SEMA6D: variants seen among roughly 807,000 people sequenced by gnomAD.
SEMA6D encodes semaphorin-6D.
A neutral mutation model predicts 106.6 loss-of-function variants in SEMA6D; 35 were observed. The observed-to-expected ratio is 0.33, with a 90% CI of 0.25 to 0.44. The LOEUF (loss-of-function observed/expected upper bound fraction) is 0.44, where lower values mean the gene tolerates loss of function less well. Among genes scored for constraint, SEMA6D ranks in the 20% least tolerant of loss-of-function variants. The pLI is 1.00. For synonymous variants in SEMA6D, 499 were observed against 487.7 expected, an observed-to-expected ratio of 1.02 and a Z score of -0.31; for missense variants, 1,185 against 1,345.9, an observed-to-expected ratio of 0.88 and a Z score of 1.87.
intron 1 of SEMA6D, among the ~76,000 whole-genome samples, chr15:47,406,327 C>G (rs1166333475): frequency 6.6e-6 from 1 of 152,154 alleles, no homozygotes; most frequent in Non-Finnish European, 1.5e-5. Flanking sequence ...AAAGGTTCGA[C>G]TGCTGGTAGC....
At chr15:47,256,076 A>G (rs546697162) in intron 1 of SEMA6D, among the ~76,000 whole-genome samples, 2 of 152,316 alleles carry the variant, frequency 1.3e-5, no homozygotes, top group South Asian at 4.1e-4. Context: ...TCTACTAACA[A>G]CATAATGTCT....
At chr15:47,616,928 T>C (rs1489470232) in intron 4 of SEMA6D, among the ~76,000 whole-genome samples, 1 of 152,202 alleles carries the variant, frequency 6.6e-6, no homozygotes, top group South Asian at 2.1e-4. Flanking sequence ...CAGCTTCAAC[T>C]GAACTGCTAA....
intron 1 of SEMA6D, among the ~76,000 whole-genome samples, chr15:47,375,065 C>T (rs771392000): frequency 2.0e-4 from 30 of 152,192 alleles, no homozygotes; most frequent in Non-Finnish European, 3.5e-4. Context: ...TATTTCTTAA[C>T]TATATTTTGT....
intron 1 of SEMA6D, among the ~76,000 whole-genome samples, chr15:47,256,213 C>A (rs2033795123): frequency 1.3e-5 from 2 of 152,072 alleles, no homozygotes; most frequent in Non-Finnish European, 2.9e-5. Flanking sequence ...TTTAAAATAA[C>A]CTTGTCTCTT....
intron 1 of SEMA6D, among the ~76,000 whole-genome samples, chr15:47,362,673 G>A (rs980052950): frequency 2.6e-5 from 4 of 152,162 alleles, no homozygotes; most frequent in Non-Finnish European, 4.4e-5. Context: ...CCTAACCACC[G>A]GTTTGGAGAG....
intron 4 of SEMA6D, among the ~76,000 whole-genome samples, chr15:47,693,909 C>A (rs2078644763): frequency 6.6e-6 from 1 of 152,238 alleles, no homozygotes; most frequent in East Asian, 1.9e-4. Flanking sequence ...CACCACGACA[C>A]TCCAGCCTGG....
intron 3 of SEMA6D, among the ~76,000 whole-genome samples, chr15:47,571,582 C>T (rs192625941): frequency 2.6e-5 from 4 of 152,256 alleles, no homozygotes; most frequent in Admixed American, 1.3e-4. Flanking sequence ...TATCTGATGC[C>T]GAGAACTATT....
chr15:47,632,947 A>G (rs538200399), intron 4 of SEMA6D, among the ~76,000 whole-genome samples: 30 of 152,168 alleles, frequency 2.0e-4, no homozygotes, highest in African/African-American at 6.3e-4. Flanking sequence ...TGCCTTAAGT[A>G]TTATACTACA....
rs995225248 is a variant in SEMA6D at position 47,237,061 on chromosome 15, C to T, written c.-239+52643C>T. Among the ~76,000 whole-genome samples the T allele has an allele frequency of 3.3e-5, 5 of 152,172 alleles. No individual in the cohort carries two copies. In the East Asian group the frequency reaches 9.7e-4, roughly 29 times the overall value. ...CACCGACTTTTAGAATTTTTGTGTT[C>T]TTGAACAAGTTTTATTAGAGTTATT... On this transcript the variant is annotated intron_variant, in intron 1 of 19. Coordinates refer to the SEMA6D transcript ENST00000558014.
intron 1 of SEMA6D, among the ~76,000 whole-genome samples, chr15:47,317,296 CCTCT>C (rs1372399306): frequency 7.2e-5 from 11 of 152,008 alleles, no homozygotes; most frequent in Non-Finnish European, 1.6e-4. Flanking sequence ...TGTCTCTCTC[CCTCT>C]ATTTTCTTTT....
chr15:47,506,585 T>C (rs1426354390), intron 3 of SEMA6D, among the ~76,000 whole-genome samples: 2 of 116,728 alleles, frequency 1.7e-5, no homozygotes, highest in East Asian at 7.2e-4. Context: ...TACATGGGCA[T>C]TTACACACAC....
intron 3 of SEMA6D, among the ~76,000 whole-genome samples, chr15:47,530,716 A>G (rs991729728): frequency 1.3e-5 from 2 of 152,190 alleles, no homozygotes; most frequent in African/African-American, 4.8e-5. Flanking sequence ...TTGAGTTTGT[A>G]GGAGATGTAT....
intron 4 of SEMA6D, among the ~76,000 whole-genome samples, chr15:47,677,374 C>T (rs1215248879): frequency 6.6e-6 from 1 of 152,100 alleles, no homozygotes; most frequent in African/African-American, 2.4e-5. Flanking sequence ...AAGAGGCATC[C>T]CAAGAGACCC....
At chr15:47,473,070 C>T (rs559859982) in intron 3 of SEMA6D, among the ~76,000 whole-genome samples, 40 of 152,304 alleles carry the variant, frequency 2.6e-4, no homozygotes, top group African/African-American at 8.9e-4. Context: ...TCAGACTCTA[C>T]GTCTTCTCTA....
intron 1 of SEMA6D, among the ~76,000 whole-genome samples, chr15:47,260,409 T>G (rs891094221): frequency 5.3e-5 from 8 of 152,148 alleles, no homozygotes; most frequent in African/African-American, 1.9e-4. Flanking sequence ...ATACCTTAAT[T>G]TTCATGGTCT....
chr15:47,419,132 T>C lies in SEMA6D; in HGVS notation c.-159+6660T>C, dbSNP rs546056938. On this transcript the variant is annotated intron_variant, in intron 2 of 19. Transcript: ENST00000558014. ...AGTGAATTTCAGGTCCTTGTGGGAT[T>C]TTAGAATTGTAGGAGTTAGGGTGTT... Among the ~76,000 whole-genome samples, 48 of 152,146 alleles carry C rather than the reference T, an allele frequency of 3.2e-4. 1 individual carries two copies. In the South Asian group the frequency reaches 8.5e-3, roughly 27 times the overall value.
chr15:47,200,760 C>T (rs1394878170), intron 1 of SEMA6D, among the ~76,000 whole-genome samples: 1 of 152,166 alleles, frequency 6.6e-6, no homozygotes, highest in Admixed American at 6.5e-5. Context: ...CTACAAACAT[C>T]ATATGAATAC....
chr15:47,541,067 G>GAGACTGAGTCGTCCTGGTT (rs2045339077), intron 3 of SEMA6D, among the ~76,000 whole-genome samples: 1 of 152,090 alleles, frequency 6.6e-6, no homozygotes, highest in African/African-American at 2.4e-5. Flanking sequence ...ATTTATGATG[G>GAGACTGAGTCGTCCTGGTT]GCACAATACA....
intron 4 of SEMA6D, among the ~76,000 whole-genome samples, chr15:47,640,118 C>CT (rs1490444268): frequency 6.6e-6 from 1 of 152,090 alleles, no homozygotes; most frequent in Non-Finnish European, 1.5e-5. Flanking sequence ...ATCTTCTAAG[C>CT]TTTTTTGCAT....
Sources: gnomAD v4.1 joint callset for allele counts (sites outside exome capture counted in the v4.1 genomes callset) on GRCh38, gnomAD v4.1.1 for gene constraint, MANE v1.5 for transcripts, NCBI Gene and HGNC (gene_info 2026-07-23, HGNC 2026-07-21) for gene names.